The following PBX3 variants were observed in gnomAD, a reference collection of about 807,000 sequenced individuals.
PBX3 encodes PBX homeobox 3, also known as pre-B-cell leukemia transcription factor 3.
Under a neutral mutation model 48.5 loss-of-function variants are expected in PBX3, and 14 were observed. That is an observed-to-expected ratio of 0.29 (90% confidence interval 0.19 to 0.45). The LOEUF (loss-of-function observed/expected upper bound fraction) is 0.45. Ranked by LOEUF, PBX3 falls within the 20% of genes least tolerant of loss-of-function variation. The pLI is 1.00. For missense variants in PBX3, 386 were observed against 546.7 expected (o/e 0.71, Z 2.93); for synonymous variants, 210 against 200.3 (o/e 1.05, Z -0.41).
chr9:125,865,428 C>A (rs1428309281), intron 2 of PBX3: 2 of 162,090 alleles, frequency 1.2e-5, no homozygotes, highest in Non-Finnish European at 2.9e-5. Flanking sequence ...TATATTTGTT[C>A]TAAATTATAG....
At chr9:125,878,089 A>G (rs1348387129) in intron 2 of PBX3, among the ~76,000 whole-genome samples, 7 of 152,236 alleles carry the variant, frequency 4.6e-5, no homozygotes, top group Admixed American at 4.6e-4. Flanking sequence ...TTTTGCCACC[A>G]TTATGGTAAA....
At chr9:125,786,480 G>A (rs1837460165) in intron 2 of PBX3, among the ~76,000 whole-genome samples, 1 of 152,136 alleles carries the variant, frequency 6.6e-6, no homozygotes, top group Non-Finnish European at 1.5e-5. Flanking sequence ...GCGATTAGGA[G>A]GTGATATAAG....
At chr9:125,955,202 C>T (rs200428472) in intron 5 of PBX3, among the ~76,000 whole-genome samples, 1 of 46,810 alleles carries the variant, frequency 2.1e-5, no homozygotes, top group Non-Finnish European at 7.3e-5. Context: ...CAGCTCTGTC[C>T]CCTGCACTCA....
At chr9:125,777,217 T>C (rs1389802725) in intron 2 of PBX3, among the ~76,000 whole-genome samples, 6 of 152,128 alleles carry the variant, frequency 3.9e-5, no homozygotes, top group African/African-American at 1.4e-4. Context: ...TTTTGCCACG[T>C]TGCCCAGGCT....
intron 2 of PBX3, among the ~76,000 whole-genome samples, chr9:125,775,385 A>G (rs1314938441): frequency 1.3e-5 from 2 of 152,124 alleles, no homozygotes; most frequent in Non-Finnish European, 2.9e-5. Flanking sequence ...TAGGTCTTAT[A>G]TTTAGGTGGT....
At chr9:125,777,850 C>T (rs1837118581) in intron 2 of PBX3, among the ~76,000 whole-genome samples, 3 of 152,074 alleles carry the variant, frequency 2.0e-5, no homozygotes, top group Non-Finnish European at 4.4e-5. Flanking sequence ...TCCAAGTTAT[C>T]TAATTTGTTG....
At chr9:125,958,250 C>T (rs545447107) in intron 5 of PBX3, among the ~76,000 whole-genome samples, 9 of 152,302 alleles carry the variant, frequency 5.9e-5, no homozygotes, top group African/African-American at 1.9e-4. Context: ...TCTGTCTGTT[C>T]CTCCTCCATA....
chr9:125,927,953 G>A (rs1164681295), intron 3 of PBX3, among the ~76,000 whole-genome samples: 1 of 152,136 alleles, frequency 6.6e-6, no homozygotes, highest in African/African-American at 2.4e-5. Flanking sequence ...GGCTGAGGCA[G>A]GTGGATTGTC....
At chr9:125,908,318 G>A (rs924993588) in intron 2 of PBX3, among the ~76,000 whole-genome samples, 6 of 152,040 alleles carry the variant, frequency 3.9e-5, no homozygotes, top group African/African-American at 1.4e-4. Flanking sequence ...ACAGTGTAGT[G>A]TTATCCCATT....
intron 2 of PBX3, among the ~76,000 whole-genome samples, chr9:125,819,113 G>C (rs1220047094): frequency 6.6e-6 from 1 of 151,880 alleles, no homozygotes; most frequent in Non-Finnish European, 1.5e-5. Context: ...TGGGATTACA[G>C]GTATGGGCCA....
chr9:125,785,505 C>T (rs1349506826), intron 2 of PBX3, among the ~76,000 whole-genome samples: 1 of 152,156 alleles, frequency 6.6e-6, no homozygotes, highest in African/African-American at 2.4e-5. Flanking sequence ...CAGTGGTTTC[C>T]CAGGGGCTTC....
chr9:125,813,855 G>A (rs1838372339), intron 2 of PBX3, among the ~76,000 whole-genome samples: 1 of 151,024 alleles, frequency 6.6e-6, no homozygotes, highest in African/African-American at 2.4e-5. Context: ...AAAAGATCTA[G>A]AGAAATACAT....
At chr9:125,765,153 GTTT>G (rs935957484) in intron 2 of PBX3, among the ~76,000 whole-genome samples, 1 of 142,876 alleles carries the variant, frequency 7.0e-6, no homozygotes, top group African/African-American at 2.6e-5. Context: ...AAAGAAATTG[GTTT>G]TTTTTTTTTT....
intron 6 of PBX3, among the ~76,000 whole-genome samples, chr9:125,961,517 A>G (rs1185079866): frequency 6.6e-6 from 1 of 152,242 alleles, no homozygotes; most frequent in Non-Finnish European, 1.5e-5. Flanking sequence ...AAACAGATGG[A>G]CTTCAGTAGC....
chr9:125,781,390 C>T lies in PBX3; in HGVS notation c.274+32767C>T, dbSNP rs796364684. Among the ~76,000 whole-genome samples, 43 of 151,768 alleles carry T rather than the reference C, an allele frequency of 2.8e-4. No individual in the cohort carries two copies. The South Asian group carries it at 3.5e-3, about 13-fold the overall frequency. ...CGAAAACCAGTCAGGCGTGGTGGCG[C>T]GCGCCTGCAATCGCAGGCACTCGGC... On this transcript the variant is annotated intron_variant, in intron 2 of 8. Coordinates refer to ENST00000373489, the MANE Select transcript of PBX3 (RefSeq NM_006195.6).
chr9:125,841,983 G>T (rs1484157147), intron 2 of PBX3, among the ~76,000 whole-genome samples: 3 of 152,032 alleles, frequency 2.0e-5, no homozygotes, highest in Non-Finnish European at 2.9e-5. Context: ...TATTTTATCT[G>T]AAATATGAGA....
At chr9:125,947,122 A>G (rs75933374) in intron 5 of PBX3, among the ~76,000 whole-genome samples, 277 of 152,350 alleles carry the variant, frequency 1.8e-3, no homozygotes, top group African/African-American at 6.5e-3. Context: ...AGACATTTTC[A>G]GTCAAAAATT....
intron 2 of PBX3, among the ~76,000 whole-genome samples, chr9:125,877,337 C>G (rs1053462777): frequency 4.6e-5 from 7 of 152,198 alleles, no homozygotes; most frequent in African/African-American, 1.4e-4. Context: ...CTGTACCCCA[C>G]TTGTTTTAGA....
chr9:125,834,764 G>A (rs1298936460), intron 2 of PBX3, among the ~76,000 whole-genome samples: 1 of 149,856 alleles, frequency 6.7e-6, no homozygotes, highest in Non-Finnish European at 1.5e-5. Context: ...GCCTGTAATC[G>A]CAGCACTTTG....
Sources: allele counts gnomAD v4.1 joint callset (sites outside exome capture counted in the v4.1 genomes callset), GRCh38; gene constraint gnomAD v4.1.1; transcripts MANE v1.5; gene names NCBI Gene and HGNC (gene_info 2026-07-23, HGNC 2026-07-21).